Variants in AMOTL1 observed in about 807,000 individuals in gnomAD.
AMOTL1 encodes angiomotin like 1, also known as angiomotin-like protein 1.
Under a neutral mutation model 102.9 loss-of-function variants are expected in AMOTL1, and 45 were observed. That is an observed-to-expected ratio of 0.44 (90% confidence interval 0.34 to 0.56). The LOEUF is 0.56. AMOTL1 is among the 20% of genes least tolerant of loss of function. The pLI, the probability that AMOTL1 is intolerant of heterozygous loss-of-function variation, is 0.01. For synonymous variants in AMOTL1, 481 were observed against 484.7 expected (o/e 0.99, Z 0.10); for missense variants, 1,114 against 1,225.6 (o/e 0.91, Z 1.36).
chr11:94,781,866 A>G (rs1951120041), intron 1 of AMOTL1, among the ~76,000 whole-genome samples: 2 of 152,098 alleles, frequency 1.3e-5, no homozygotes, highest in Admixed American at 1.3e-4. Flanking sequence ...GAAAAAAACT[A>G]TCTTCATAAT....
intron 3 of AMOTL1, among the ~76,000 whole-genome samples, chr11:94,747,735 A>G (rs1950606399): frequency 6.6e-6 from 1 of 152,172 alleles, no homozygotes; most frequent in African/African-American, 2.4e-5. Context: ...GCTGTGCTTC[A>G]TGTGTCATTA....
intron 1 of AMOTL1, among the ~76,000 whole-genome samples, chr11:94,722,407 C>T (rs1237415975): frequency 6.6e-6 from 1 of 152,124 alleles, no homozygotes; most frequent in African/African-American, 2.4e-5. Context: ...ATAGAAACAA[C>T]TACTATTGTC....
chr11:94,734,034 T>C (rs767432423), intron 2 of AMOTL1, among the ~76,000 whole-genome samples: 6 of 152,218 alleles, frequency 3.9e-5, no homozygotes, highest in Non-Finnish European at 5.9e-5. Flanking sequence ...ATTTAATTTA[T>C]TTATATATTT....
chr11:94,843,379 G>T (rs333020), intron 6 of AMOTL1, among the ~76,000 whole-genome samples: 7,825 of 152,118 alleles, frequency 0.051, 461 homozygotes, highest in African/African-American at 0.14. Context: ...GTGAGGATGT[G>T]GGGGCAGATG....
chr11:94,833,642 T>C (rs1952117718), intron 6 of AMOTL1, among the ~76,000 whole-genome samples: 2 of 152,210 alleles, frequency 1.3e-5, no homozygotes, highest in Non-Finnish European at 2.9e-5. Flanking sequence ...CCAAGGCACA[T>C]ATTTAGGCAG....
In AMOTL1 at chr11:94,785,182, C is replaced by T. The variant is rs114450381; in HGVS notation, c.50-9829C>T. On this transcript the variant is annotated intron_variant, in intron 1 of 12. Coordinates refer to ENST00000433060, the MANE Select transcript of AMOTL1 (RefSeq NM_130847.3). ...AAATAAACTTTCCCAGGACCTTTCC[C>T]CTTTATCCACAAGTTAAGAATATTT... Among the ~76,000 whole-genome samples, 1,305 of 152,202 alleles carry T rather than the reference C, an allele frequency of 8.6e-3. 22 individuals carry two copies. Among genetic ancestry groups the T allele is most frequent in the African/African-American group, 0.03 (1,245 of 41,526 alleles).
rs916910407 is a variant in AMOTL1, at chr11:94,839,706, C to T, written c.1648+8165C>T. On this transcript the variant is annotated intron_variant, in intron 6 of 12. Coordinates refer to ENST00000433060, the MANE Select transcript of AMOTL1 (RefSeq NM_130847.3). ...GCTAAACCACAACTAGAATTAGGAC[C>T]TCCTTTTTCTTATTTTTTGCTTCCC... Among the ~76,000 whole-genome samples, 88 of 152,286 alleles carry T rather than the reference C, an allele frequency of 5.8e-4. 1 individual carries two copies. The highest frequency in any genetic ancestry group is 2.1e-3 in the African/African-American group (87 of 41,564).
At chr11:94,807,346 A>G (rs1951583471) in intron 3 of AMOTL1, among the ~76,000 whole-genome samples, 1 of 152,182 alleles carries the variant, frequency 6.6e-6, no homozygotes. Context: ...ACAGCCAAGA[A>G]GCCCTATATT....
At chr11:94,803,152 C>T (rs1218123318) in intron 3 of AMOTL1, among the ~76,000 whole-genome samples, 1 of 152,128 alleles carries the variant, frequency 6.6e-6, no homozygotes, top group Non-Finnish European at 1.5e-5. Flanking sequence ...AGACTTCACT[C>T]CTTTTTGCCT....
At chr11:94,823,474 G>T (rs1951906036) in intron 4 of AMOTL1, among the ~76,000 whole-genome samples, 1 of 152,030 alleles carries the variant, frequency 6.6e-6, no homozygotes, top group African/African-American at 2.4e-5. Context: ...TGTCATTTTT[G>T]GGCAGCTTCT....
chr11:94,720,779 T>C (rs1291659923), intron 1 of AMOTL1, among the ~76,000 whole-genome samples: 1 of 152,072 alleles, frequency 6.6e-6, no homozygotes, highest in Non-Finnish European at 1.5e-5. Flanking sequence ...GGTGGAGTCA[T>C]GTGTCCACTC....
intron 1 of AMOTL1, among the ~76,000 whole-genome samples, chr11:94,716,381 T>C (rs1015790371): frequency 6.6e-6 from 1 of 152,186 alleles, no homozygotes; most frequent in Non-Finnish European, 1.5e-5. Context: ...AAAAGTTGTA[T>C]GTTTCCTTGT....
intron 2 of AMOTL1, among the ~76,000 whole-genome samples, chr11:94,736,259 G>T (rs1391550728): frequency 6.6e-6 from 1 of 152,128 alleles, no homozygotes; most frequent in African/African-American, 2.4e-5. Flanking sequence ...ATTTATGTAT[G>T]TATGTATTTT....
intron 3 of AMOTL1, among the ~76,000 whole-genome samples, chr11:94,805,464 T>A (rs1231065668): frequency 6.6e-6 from 1 of 152,216 alleles, no homozygotes. Flanking sequence ...ATATTTTTAT[T>A]AGAATGTTTC....
At chr11:94,842,121 A>G (rs1456794631) in intron 6 of AMOTL1, among the ~76,000 whole-genome samples, 1 of 152,238 alleles carries the variant, frequency 6.6e-6, no homozygotes, top group African/African-American at 2.4e-5. Context: ...AAGTATTTGA[A>G]AACTGTTTTA....
intron 1 of AMOTL1, among the ~76,000 whole-genome samples, chr11:94,780,024 C>G (rs1308332988): frequency 7.2e-5 from 11 of 152,154 alleles, no homozygotes; most frequent in Non-Finnish European, 1.0e-4. Flanking sequence ...GTGAAAGGAA[C>G]AGATCACTGC....
chr11:94,773,653 G>A (rs1239857845), intron 1 of AMOTL1, among the ~76,000 whole-genome samples: 1 of 152,184 alleles, frequency 6.6e-6, no homozygotes, highest in Non-Finnish European at 1.5e-5. Flanking sequence ...AATAAAATTG[G>A]TTTGCTTTTG....
At chr11:94,833,668 G>C (rs1433281335) in intron 6 of AMOTL1, among the ~76,000 whole-genome samples, 1 of 152,204 alleles carries the variant, frequency 6.6e-6, no homozygotes, top group African/African-American at 2.4e-5. Context: ...TTGGGAGGCA[G>C]AGCAGAGGAG....
chr11:94,821,462 T>G, intron 3 of AMOTL1, 68 bp from the exon 4 acceptor site: 2 of 1,503,074 alleles, frequency 1.3e-6, no homozygotes, highest in Non-Finnish European at 1.8e-6. Context: ...GTGCCAGTAT[T>G]GTTGGGGCTT....
Sources: gnomAD v4.1 joint callset for allele counts (sites outside exome capture counted in the v4.1 genomes callset) on GRCh38, gnomAD v4.1.1 for gene constraint, MANE v1.5 for transcripts, NCBI Gene and HGNC (gene_info 2026-07-23, HGNC 2026-07-21) for gene names.